ZNF676: variants seen among roughly 807,000 people sequenced by gnomAD.
The protein encoded by ZNF676 is zinc finger protein 676.
ZNF676 carries 4 observed loss-of-function variants against 6.0 expected under a neutral mutation model. That is an observed-to-expected ratio of 0.67 (90% confidence interval 0.33 to 1.53). The LOEUF is 1.53. Among genes scored for constraint, ZNF676 ranks in the 40% most tolerant of loss-of-function variants. ZNF676 has a pLI of 0.06. For missense variants in ZNF676, 644 were observed against 679.7 expected (o/e 0.95, Z 0.58); for synonymous variants, 198 against 223.1 (o/e 0.89, Z 1.00).
chr19:22,217,028 T>G (rs1189830642), upstream of ZNF676, among the ~76,000 whole-genome samples: 3 of 152,022 alleles, frequency 2.0e-5, no homozygotes, highest in Non-Finnish European at 4.4e-5. Flanking sequence ...TCAATAGTTT[T>G]GGGGTACATG....
intron 2 of ZNF676, 143 bp downstream of exon 2, chr19:22,192,873 G>A: frequency 1.1e-6 from 1 of 893,956 alleles, no homozygotes; most frequent in Non-Finnish European, 1.6e-6. Flanking sequence ...CCCTGTGTGA[G>A]AGAAAATTAA....
intron 1 of ZNF676, among the ~76,000 whole-genome samples, chr19:22,215,070 A>AAAC (rs1555775855): frequency 1.6e-4 from 24 of 149,958 alleles, no homozygotes; most frequent in African/African-American, 4.7e-4. Flanking sequence ...ACAACAAAAA[A>AAAC]CCAGGAAACT....
rs1423507684 is a variant in ZNF676, at chr19:22,180,483, T to C, written c.1234A>G (p.Lys412Glu). The change falls in exon 3 of 3, where the codon AAG (lysine) becomes GAG (glutamate). Residue 412 changes from lysine to glutamate, a missense_variant. By Grantham distance (56) the Lys-to-Glu change is moderately conservative (BLOSUM62 1). Transcript: ENST00000397121. The part of the protein sequence containing the change: ...SNSSSKLMEH[K>E]RIHTGEKPYK... The stretch of plus-strand genomic sequence containing the variant: ...GGTTTCTCTCCAGTATGAATTCTCT[T>C]ATGTTCCATGAGCTTTGAGGATGAG... The C allele has an allele frequency of 6.2e-7, 1 of 1,607,596 alleles. No individual in the cohort carries two copies. Among genetic ancestry groups the C allele is most frequent in the East Asian group, 2.2e-5 (1 of 44,556 alleles).
chr19:22,210,593 T>A (rs928192817), intron 1 of ZNF676, among the ~76,000 whole-genome samples: 1 of 152,212 alleles, frequency 6.6e-6, no homozygotes, highest in African/African-American at 2.4e-5. Context: ...CTAGGATTAA[T>A]AAAATTCTCT....
upstream of ZNF676, among the ~76,000 whole-genome samples, chr19:22,215,915 G>A (rs960984311): frequency 6.6e-6 from 1 of 152,144 alleles, no homozygotes; most frequent in East Asian, 1.9e-4. Flanking sequence ...CAGATGCTGG[G>A]CTGAATGAAG....
chr19:22,242,561 G>C, the ZNF676 span, among the ~76,000 whole-genome samples: 1 of 151,832 alleles, frequency 6.6e-6, no homozygotes, highest in East Asian at 1.9e-4. Context: ...TGTATGCAAG[G>C]CCCAAGCAGG....
chr19:22,196,331 TAC>T (rs796781605), intron 1 of ZNF676, among the ~76,000 whole-genome samples: 4 of 152,210 alleles, frequency 2.6e-5, no homozygotes, highest in South Asian at 2.1e-4. Flanking sequence ...GTTCAAAGAA[TAC>T]AGTCATGCAG....
chr19:22,196,937 C>T lies in ZNF676; in HGVS notation c.-304G>A, dbSNP rs1041231083. The T allele has an allele frequency of 1.9e-6, 1 of 530,710 alleles. No homozygotes were observed. The highest frequency in any genetic ancestry group is 3.3e-6 in the Non-Finnish European group (1 of 302,716). 32.9% of individuals were successfully genotyped at this position (530,710 alleles called of 1,614,324 possible). ...GAAAGTGGTATAAGATCCATAACAT[C>T]TGTGTATATGTAATATTTTTCTAGA... is the stretch of plus-strand genomic sequence containing the variant. On this transcript the variant is annotated 5_prime_UTR_variant, in exon 1 of 3. Transcript: ENST00000397121.
chr19:22,236,239 GT>G, the ZNF676 span, among the ~76,000 whole-genome samples: 1 of 152,064 alleles, frequency 6.6e-6, no homozygotes, highest in African/African-American at 2.4e-5. Context: ...GGGAGCCAAT[GT>G]AGGAGTTCTG....
At chr19:22,197,349 T>C (rs2023978157), upstream of ZNF676, among the ~76,000 whole-genome samples, 1 of 152,000 alleles carries the variant, frequency 6.6e-6, no homozygotes, top group Non-Finnish European at 1.5e-5. Context: ...ATCGTGTGTA[T>C]TTTTCAGATG....
At chr19:22,182,568 T>C (rs1249530946) in intron 2 of ZNF676, among the ~76,000 whole-genome samples, 5 of 77,440 alleles carry the variant, frequency 6.5e-5, no homozygotes, top group Non-Finnish European at 1.2e-4. Flanking sequence ...GAGAACAGTG[T>C]GATATAGTCA....
At chr19:22,196,025 A>G (rs114821796) in intron 1 of ZNF676, among the ~76,000 whole-genome samples, 2,812 of 152,218 alleles carry the variant, frequency 0.018, 81 homozygotes, top group African/African-American at 0.064. Context: ...TTTTCTGTTC[A>G]TAGTCTGTAA....
chr19:22,246,202 C>T, the ZNF676 span, among the ~76,000 whole-genome samples: 9 of 152,122 alleles, frequency 5.9e-5, no homozygotes, highest in East Asian at 1.2e-3. Flanking sequence ...TCATAATACC[C>T]CTGTAGGCAG....
the ZNF676 span, among the ~76,000 whole-genome samples, chr19:22,235,103 GT>G: frequency 2.3e-5 from 3 of 132,452 alleles, 1 homozygote; most frequent in African/African-American, 9.5e-5. Context: ...GAAGAAGGAA[GT>G]CAGGAAGGCA....
At chr19:22,200,588 G>A (rs561720036), upstream of ZNF676, among the ~76,000 whole-genome samples, 6 of 137,654 alleles carry the variant, frequency 4.4e-5, no homozygotes, top group South Asian at 2.3e-4. Context: ...GTGTGATCTC[G>A]GCTCACTGTA....
intron 1 of ZNF676, among the ~76,000 whole-genome samples, chr19:22,211,980 A>G (rs1264130299): frequency 2.0e-5 from 3 of 151,764 alleles, no homozygotes. Flanking sequence ...CAGGTGGATC[A>G]TGAGGTCAGG....
chr19:22,215,515 G>A (rs1165704368), intron 1 of ZNF676: 2 of 1,244,604 alleles, frequency 1.6e-6, no homozygotes, highest in South Asian at 1.3e-5. Flanking sequence ...GGTCGAGCTA[G>A]GCAAGGAGAA....
chr19:22,228,003 T>G, the ZNF676 span, among the ~76,000 whole-genome samples: 1 of 152,308 alleles, frequency 6.6e-6, no homozygotes, highest in African/African-American at 2.4e-5. Flanking sequence ...CCCTAGCTCA[T>G]TTTGGGCCAG....
the ZNF676 span, among the ~76,000 whole-genome samples, chr19:22,240,082 C>T: frequency 6.6e-6 from 1 of 152,194 alleles, no homozygotes; most frequent in Non-Finnish European, 1.5e-5. Flanking sequence ...ATGAGAATCA[C>T]ATCACATAAA....
Sources: gnomAD v4.1 joint callset for allele counts (sites outside exome capture counted in the v4.1 genomes callset) on GRCh38, gnomAD v4.1.1 for gene constraint, MANE v1.5 for transcripts, NCBI Gene and HGNC (gene_info 2026-07-23, HGNC 2026-07-21) for gene names.